EPC1: variants seen among roughly 807,000 people sequenced by gnomAD.
EPC1 encodes the protein enhancer of polycomb 1.
EPC1 carries 12 observed loss-of-function variants against 98.4 expected under a neutral mutation model. The observed-to-expected ratio is 0.12, with a 90% confidence interval of 0.08 to 0.20. The LOEUF (loss-of-function observed/expected upper bound fraction) is 0.20, where lower values mean the gene tolerates loss of function less well. EPC1 is among the 10% of genes least tolerant of loss of function. The pLI, the probability that EPC1 is intolerant of heterozygous loss-of-function variation, is 1.00. For missense variants in EPC1, 729 were observed against 990.5 expected (o/e 0.74, Z 3.54); for synonymous variants, 357 against 363.9 (o/e 0.98, Z 0.21).
intron 2 of EPC1, among the ~76,000 whole-genome samples, chr10:32,295,033 T>C (rs1235627504): frequency 6.6e-6 from 1 of 152,194 alleles, no homozygotes. Flanking sequence ...TTTTTTGATT[T>C]TTCCCCACCC....
intron 5 of EPC1, 102 bp from the exon 6 acceptor site, chr10:32,291,424 C>T: frequency 1.1e-6 from 1 of 888,660 alleles, no homozygotes; most frequent in South Asian, 2.0e-5. Context: ...CACAATCAAG[C>T]TAATTAACAT....
intron 10 of EPC1, among the ~76,000 whole-genome samples, chr10:32,276,667 G>T (rs1418431703): frequency 6.6e-6 from 1 of 152,198 alleles, no homozygotes; most frequent in Non-Finnish European, 1.5e-5. Context: ...AGAAAAACCT[G>T]TACCAAGGTA....
At chr10:32,344,779 TC>T (rs1354715582) in intron 1 of EPC1, among the ~76,000 whole-genome samples, 1 of 152,036 alleles carries the variant, frequency 6.6e-6, no homozygotes, top group African/African-American at 2.4e-5. Context: ...AGAGTGAGAC[TC>T]CATCTCAGAA....
In EPC1 at chr10:32,272,013, T is replaced by C; in HGVS notation, c.2005+13A>G. 2 of 1,607,532 alleles carry C rather than the reference T, an allele frequency of 1.2e-6. No individual in the cohort carries two copies. The highest frequency in any genetic ancestry group is 1.7e-6 in the Non-Finnish European group (2 of 1,178,288). ...AAATATAACCCAAACAATTTAAATG[T>C]CTTTATTCTTACCTGAGGCTGGAAG... is the stretch of plus-strand genomic sequence containing the variant. On this transcript the variant is annotated intron_variant, in intron 12 of 13. Transcript: ENST00000319778.
At chr10:32,302,520 C>T (rs1004492058) in intron 2 of EPC1, among the ~76,000 whole-genome samples, 2 of 149,598 alleles carry the variant, frequency 1.3e-5, no homozygotes, top group Admixed American at 1.3e-4. Flanking sequence ...CATGGTGGCA[C>T]GCGCCAGTAG....
At position 32,293,575 on chromosome 10, in the gene EPC1, T is replaced by C; in HGVS notation, c.459+17A>G. ...ATAGAATATGTATATACTTGTTATA[T>C]ACAAATGAAGTTGTACCTGCTGACC... On this transcript the variant is annotated intron_variant, in intron 3 of 13. Coordinates refer to ENST00000319778, the MANE Select transcript of EPC1 (RefSeq NM_001272004.3). 1.2e-6 allele frequency: 2 copies of C among 1,609,340 alleles called. No homozygotes were observed. The highest frequency in any genetic ancestry group is 1.1e-5 in the South Asian group (1 of 90,474).
chr10:32,360,530 G>A (rs1839413027), intron 1 of EPC1, among the ~76,000 whole-genome samples: 1 of 152,168 alleles, frequency 6.6e-6, no homozygotes, highest in East Asian at 1.9e-4. Context: ...AGGAACACGG[G>A]TTTCCATATT....
Position 32,346,863 on chromosome 10 carries a change from G to A in EPC1, c.53C>T (p.Pro18Leu), listed in dbSNP as rs1235353920. The A allele has an allele frequency of 6.2e-7, 1 of 1,614,186 alleles. No individual in the cohort carries two copies. The highest frequency in any genetic ancestry group is 8.5e-7 in the Non-Finnish European group (1 of 1,180,018). The change falls in exon 1 of 14, where the codon CCG becomes CTG. Residue 18 changes from proline (P) to leucine (L), a missense_variant. Pro to Leu is a moderately conservative substitution (Grantham distance 98). Transcript: ENST00000319778. ...ARALDASKPL[P>L]VFRCEDLPDL... Reference sequence around the variant, plus strand: ...GGGCAGATCCTCACAGCGGAAAACCGGCAGCGGCTTCGAGGCGTCTAGCGC... The same window carrying A: ...GGGCAGATCCTCACAGCGGAAAACCAGCAGCGGCTTCGAGGCGTCTAGCGC...
At chr10:32,344,832 T>C (rs979194938) in intron 1 of EPC1, among the ~76,000 whole-genome samples, 2 of 152,020 alleles carry the variant, frequency 1.3e-5, no homozygotes, top group Admixed American at 6.5e-5. Context: ...CGAATAAAAA[T>C]TACCCGTAAA....
In EPC1 at chr10:32,275,932, G is replaced by A. The variant is rs578127738; in HGVS notation, c.1745-2651C>T. ...AACCTGGGTGACAGAGTGAGACTCC[G>A]TCTCATAAAAAAAAAAAAATGCAAT... On this transcript the variant is annotated intron_variant, in intron 10 of 13. Transcript: ENST00000319778. Among the ~76,000 whole-genome samples the A allele has an allele frequency of 1.7e-3, 253 of 147,856 alleles. 2 individuals carry two copies. Among genetic ancestry groups the A allele is most frequent in the African/African-American group, 5.9e-3 (241 of 40,776 alleles).
In EPC1 at chr10:32,286,750, G is replaced by C. The variant is rs775310069; in HGVS notation, c.1335C>G (p.Leu445=). The change falls in exon 9 of 14, where the codon CTC becomes CTG. Residue 445 remains leucine (L), a synonymous_variant. Coordinates refer to ENST00000319778, the MANE Select transcript of EPC1 (RefSeq NM_001272004.3). The part of the protein sequence containing the change: ...DVRYRYCLTT[L]TVPQRCIGFA... Reference sequence around the variant, plus strand: ...ATCCAATACACCTTTGGGGTACGGTGAGAGTAGTTAAGCAGTATCTATATC... The same window carrying C: ...ATCCAATACACCTTTGGGGTACGGTCAGAGTAGTTAAGCAGTATCTATATC... 2 of 1,614,112 alleles carry C rather than the reference G, an allele frequency of 1.2e-6. No homozygotes were observed. Among genetic ancestry groups the C allele is most frequent in the Non-Finnish European group, 1.7e-6 (2 of 1,180,024 alleles).
At chr10:32,292,713 T>C in intron 4 of EPC1, 69 bp from the exon 5 acceptor site, 2 of 1,421,440 alleles carry the variant, frequency 1.4e-6, no homozygotes, top group Middle Eastern at 2.2e-4. Flanking sequence ...TATTGACCCA[T>C]AAAATTTATA....
upstream of EPC1, among the ~76,000 whole-genome samples, chr10:32,351,654 A>G (rs1305050617): frequency 1.3e-5 from 2 of 151,766 alleles, no homozygotes; most frequent in Non-Finnish European, 2.9e-5. Context: ...GCGAAACTCC[A>G]TCTTAAAAAA....
At chr10:32,327,403 T>C (rs183785703) in intron 1 of EPC1, among the ~76,000 whole-genome samples, 2 of 152,282 alleles carry the variant, frequency 1.3e-5, no homozygotes, top group East Asian at 1.9e-4. Context: ...AGAGTGACTA[T>C]TGCTAACGAC....
At chr10:32,295,635 G>A (rs1392075150) in intron 2 of EPC1, among the ~76,000 whole-genome samples, 1 of 152,108 alleles carries the variant, frequency 6.6e-6, no homozygotes. Context: ...AAAAACACTT[G>A]ATATATTTTG....
At chr10:32,369,861 A>G (rs2505364) in intron 1 of EPC1, among the ~76,000 whole-genome samples, 80,114 of 152,062 alleles carry the variant, frequency 0.53, 23,378 homozygotes, top group East Asian at 0.69. Flanking sequence ...AAAGTACTAA[A>G]GAAGGCAATT....
intron 10 of EPC1, among the ~76,000 whole-genome samples, chr10:32,278,385 G>GTT (rs1164062355): frequency 2.1e-5 from 1 of 47,520 alleles, no homozygotes; most frequent in Non-Finnish European, 4.0e-5. Context: ...TTTTTTTTTT[G>GTT]TTTTTTTTTT....
intron 1 of EPC1, among the ~76,000 whole-genome samples, chr10:32,369,609 T>C (rs1263717048): frequency 6.6e-6 from 1 of 152,192 alleles, no homozygotes; most frequent in Non-Finnish European, 1.5e-5. Flanking sequence ...GGTAAGCATA[T>C]TTTAACTCCA....
chr10:32,296,050 A>G (rs1835137454), intron 2 of EPC1, among the ~76,000 whole-genome samples: 1 of 151,412 alleles, frequency 6.6e-6, no homozygotes, highest in African/African-American at 2.4e-5. Flanking sequence ...CAGCCTTCCA[A>G]CGAGCTGGGA....
Sources: gnomAD v4.1 joint callset for allele counts (sites outside exome capture counted in the v4.1 genomes callset) on GRCh38, gnomAD v4.1.1 for gene constraint, MANE v1.5 for transcripts, NCBI Gene and HGNC (gene_info 2026-07-23, HGNC 2026-07-21) for gene names.